Variants in MICU3 observed in about 807,000 individuals in gnomAD.
MICU3 encodes mitochondrial calcium uptake 3.
Under a neutral mutation model 66.5 loss-of-function variants are expected in MICU3, and 62 were observed. The observed-to-expected ratio is 0.93, with a 90% CI of 0.76 to 1.15. MICU3 has a LOEUF of 1.15. Among genes scored for constraint, MICU3 ranks in the 50% most tolerant of loss-of-function variants. The pLI is 0.00. For synonymous variants in MICU3, 308 were observed against 240.7 expected (o/e 1.28, Z -2.59); for missense variants, 779 against 664.4 (o/e 1.17, Z -1.90).
intron 1 of MICU3, among the ~76,000 whole-genome samples, chr8:17,036,811 C>T (rs1044327654): frequency 2.0e-4 from 31 of 152,220 alleles, no homozygotes; most frequent in Admixed American, 1.8e-3. Flanking sequence ...CCGCGCCGTG[C>T]GCTCGCACTC....
At chr8:17,069,405 G>A (rs1319728611) in intron 2 of MICU3, among the ~76,000 whole-genome samples, 1 of 151,972 alleles carries the variant, frequency 6.6e-6, no homozygotes, top group Non-Finnish European at 1.5e-5. Flanking sequence ...GAGAAAGTTA[G>A]CTTACTTTAT....
intron 5 of MICU3, among the ~76,000 whole-genome samples, chr8:17,083,231 G>T (rs1263006252): frequency 6.6e-6 from 1 of 152,062 alleles, no homozygotes; most frequent in Non-Finnish European, 1.5e-5. Context: ...TTATCGCTCT[G>T]TGTAGTGACA....
At chr8:17,112,097 C>G (rs1021553524) in intron 11 of MICU3, among the ~76,000 whole-genome samples, 1 of 152,126 alleles carries the variant, frequency 6.6e-6, no homozygotes, top group Non-Finnish European at 1.5e-5. Context: ...ACTTCCCTCC[C>G]TCAACATGGG....
intron 1 of MICU3, among the ~76,000 whole-genome samples, chr8:17,044,692 A>C (rs1042038027): frequency 1.3e-5 from 2 of 152,200 alleles, no homozygotes; most frequent in African/African-American, 4.8e-5. Context: ...CTCACTTTAC[A>C]GTGACCTCCT....
chr8:17,075,998 T>A (rs751010897), intron 3 of MICU3, among the ~76,000 whole-genome samples: 1 of 152,160 alleles, frequency 6.6e-6, no homozygotes, highest in Non-Finnish European at 1.5e-5. Context: ...TTAAGCTATG[T>A]AAAATTTATT....
At chr8:17,041,218 A>T (rs568660340) in intron 1 of MICU3, among the ~76,000 whole-genome samples, 1 of 152,006 alleles carries the variant, frequency 6.6e-6, no homozygotes, top group Non-Finnish European at 1.5e-5. Context: ...TACTTAAAGG[A>T]CCGGCAGAGA....
chr8:17,120,924 A>C lies in MICU3; in HGVS notation c.*637A>C, dbSNP rs978100499. 6.6e-6 allele frequency: 1 copy of C among 152,046 alleles called. No individual in the cohort carries two copies. Among genetic ancestry groups the C allele is most frequent in the Non-Finnish European group, 1.5e-5 (1 of 67,880 alleles). The allele number at this position is 152,046 out of a possible 1,614,324, so 9.4% of individuals were successfully genotyped here. On this transcript the variant is annotated 3_prime_UTR_variant, in exon 15 of 15. Coordinates refer to ENST00000318063, the MANE Select transcript of MICU3 (RefSeq NM_181723.3). ...TTTGACTTGTATAAAGTTTTTAAAA[A>C]TTGTTGTTTATTTGCCAAAGTCAAC...
rs563242921 is a variant in MICU3, at chr8:17,081,541, A to G, written c.647-152A>G. The stretch of plus-strand genomic sequence containing the variant: ...TGTGGAACAATTAAAGTAAAATTAA[A>G]TTTGTTGCTTCTTTTGTTATGATTT... On this transcript the variant is annotated intron_variant, in intron 4 of 14. Transcript: ENST00000318063. 1,165 of 330,190 alleles carry G rather than the reference A, an allele frequency of 3.5e-3. 3 individuals carry two copies. Among genetic ancestry groups the G allele is most frequent in the Non-Finnish European group, 5.8e-3 (1,039 of 178,630 alleles). 20.5% of individuals were successfully genotyped at this position (330,190 alleles called of 1,614,324 possible). A position where few individuals can be genotyped will look rare whatever the true frequency, so the allele number is the denominator to read the frequency against.
At chr8:17,055,026 C>T (rs1041691959) in intron 1 of MICU3, among the ~76,000 whole-genome samples, 2 of 152,088 alleles carry the variant, frequency 1.3e-5, no homozygotes, top group Non-Finnish European at 2.9e-5. Flanking sequence ...CATGAGCCAC[C>T]GTGCCCAGCC....
At chr8:17,116,630 A>G in intron 13 of MICU3, 30 bp downstream of exon 13, 1 of 1,471,378 alleles carries the variant, frequency 6.8e-7, no homozygotes. Context: ...ACCTATTGAT[A>G]TCCTTTTTAA....
chr8:17,043,141 G>A (rs897634484), intron 1 of MICU3, among the ~76,000 whole-genome samples: 16 of 151,368 alleles, frequency 1.1e-4, no homozygotes, highest in Admixed American at 9.2e-4. Context: ...GGGTTTCACC[G>A]TGTTAGCCAG....
chr8:17,123,830 A>G (rs778650318), downstream of MICU3, among the ~76,000 whole-genome samples: 13 of 152,000 alleles, frequency 8.6e-5, no homozygotes, highest in Non-Finnish European at 1.3e-4. Context: ...ATAGTAAGGT[A>G]TGAAAGAATG....
rs1029561309 is a variant in MICU3, at chr8:17,121,653, TAA to T, written c.*1367_*1368del. On this transcript the variant is annotated 3_prime_UTR_variant, in exon 15 of 15. Coordinates refer to ENST00000318063, the MANE Select transcript of MICU3 (RefSeq NM_181723.3). ...CTAGAAAACACTGACTTTGTTTTTA[TAA>T]GTTATTAAATGTGAAATTGATCTGC... 30 of 152,428 alleles carry T rather than the reference TAA, an allele frequency of 2.0e-4. No homozygotes were observed. The highest frequency in any genetic ancestry group is 4.0e-4 in the Non-Finnish European group (27 of 67,748). 9.4% of individuals were successfully genotyped at this position (152,428 alleles called of 1,614,324 possible).
chr8:17,085,188 A>G, intron 5 of MICU3, 48 bp from the exon 6 acceptor site: 1 of 1,312,130 alleles, frequency 7.6e-7, no homozygotes, highest in Non-Finnish European at 1.1e-6. Flanking sequence ...TTGTACTTTA[A>G]AATACATTTT....
chr8:17,078,295 T>C (rs1233349773), intron 4 of MICU3, among the ~76,000 whole-genome samples: 4 of 152,078 alleles, frequency 2.6e-5, no homozygotes, highest in Non-Finnish European at 5.9e-5. Flanking sequence ...AGGAAAAATT[T>C]AGTGGATGTG....
In MICU3 at chr8:17,122,295, A is replaced by G. The variant is rs1803250354; in HGVS notation, c.*2008A>G. The G allele has an allele frequency of 2.0e-5, 3 of 151,878 alleles. No individual in the cohort carries two copies. In the South Asian group the frequency reaches 6.2e-4, roughly 31 times the overall value. 9.4% of individuals were successfully genotyped at this position (151,878 alleles called of 1,614,324 possible). A position where few individuals can be genotyped will look rare whatever the true frequency, so the allele number is the denominator to read the frequency against. On this transcript the variant is annotated 3_prime_UTR_variant, in exon 15 of 15. Coordinates refer to ENST00000318063, the MANE Select transcript of MICU3 (RefSeq NM_181723.3). ...TTATCACTCTTGAATTTTATCATCTATAAAATGAGAGATAAAAATATCTCA... is the reference window on the plus strand; with the variant it reads ...TTATCACTCTTGAATTTTATCATCTGTAAAATGAGAGATAAAAATATCTCA...
intron 11 of MICU3, among the ~76,000 whole-genome samples, chr8:17,107,368 C>G (rs1314292949): frequency 2.6e-4 from 39 of 151,974 alleles, no homozygotes; most frequent in Non-Finnish European, 2.9e-5. Context: ...TGCCAAGGGC[C>G]TGAGGACAGA....
downstream of MICU3, among the ~76,000 whole-genome samples, chr8:17,126,632 G>A (rs958176197): frequency 6.6e-6 from 1 of 152,162 alleles, no homozygotes; most frequent in South Asian, 2.1e-4. Flanking sequence ...TTTAAGAAAA[G>A]CACATTTTTA....
chr8:17,099,510 C>T (rs906045408), intron 9 of MICU3, among the ~76,000 whole-genome samples: 3 of 151,792 alleles, frequency 2.0e-5, no homozygotes, highest in East Asian at 1.9e-4. Context: ...TTAATTTTGT[C>T]GCCCTTGCTC....
Sources: allele counts gnomAD v4.1 joint callset (sites outside exome capture counted in the v4.1 genomes callset), GRCh38; gene constraint gnomAD v4.1.1; transcripts MANE v1.5; gene names NCBI Gene and HGNC (gene_info 2026-07-23, HGNC 2026-07-21).